ARHGAP42: variants seen among roughly 807,000 people sequenced by gnomAD.
The protein encoded by ARHGAP42 is rho GTPase-activating protein 42.
A neutral mutation model predicts 125.0 loss-of-function variants in ARHGAP42; 63 were observed. The observed-to-expected ratio is 0.50, with a 90% CI of 0.41 to 0.62. The LOEUF (loss-of-function observed/expected upper bound fraction) is 0.62. Among genes scored for constraint, ARHGAP42 ranks in the 20% least tolerant of loss-of-function variants. ARHGAP42 has a pLI of 0.00. For synonymous variants in ARHGAP42, 339 were observed against 351.0 expected (o/e 0.97, Z 0.38); for missense variants, 766 against 1,024.2 (o/e 0.75, Z 3.44).
intron 22 of ARHGAP42, among the ~76,000 whole-genome samples, chr11:100,979,327 GA>G: frequency 6.6e-6 from 1 of 152,250 alleles, no homozygotes; most frequent in Non-Finnish European, 1.5e-5. Context: ...ATACATCTTT[GA>G]TGACAGTCAT....
intron 3 of ARHGAP42, among the ~76,000 whole-genome samples, chr11:100,824,285 T>A (rs1323073558): frequency 6.6e-6 from 1 of 152,180 alleles, no homozygotes; most frequent in Non-Finnish European, 1.5e-5. Flanking sequence ...TTGTGTGGTC[T>A]GCTCTTGGCC....
intron 6 of ARHGAP42, among the ~76,000 whole-genome samples, chr11:100,924,659 T>A (rs563725730): frequency 6.6e-6 from 1 of 151,908 alleles, no homozygotes; most frequent in South Asian, 2.1e-4. Flanking sequence ...AGAGTAACAC[T>A]CTGTCTCAAT....
intron 3 of ARHGAP42, among the ~76,000 whole-genome samples, chr11:100,848,938 A>C (rs78746345): frequency 0.025 from 3,802 of 152,272 alleles, 103 homozygotes; most frequent in African/African-American, 0.061. Context: ...TGATAAGTGC[A>C]GGAGAGTGTG....
chr11:100,749,266 G>C (rs189309592), intron 1 of ARHGAP42, among the ~76,000 whole-genome samples: 4 of 151,684 alleles, frequency 2.6e-5, no homozygotes, highest in African/African-American at 7.3e-5. Context: ...GTCCTGGAAG[G>C]CTCAACCTCT....
At chr11:100,820,382 A>G (rs1293200301) in intron 3 of ARHGAP42, among the ~76,000 whole-genome samples, 1 of 152,102 alleles carries the variant, frequency 6.6e-6, no homozygotes, top group East Asian at 1.9e-4. Context: ...GTTGCAGAAC[A>G]TTGTTCTCAT....
intron 2 of ARHGAP42, among the ~76,000 whole-genome samples, chr11:100,792,754 T>TTTC (rs1863594986): frequency 2.5e-5 from 1 of 39,990 alleles, no homozygotes; most frequent in African/African-American, 5.2e-5. Flanking sequence ...GGAATTTTCT[T>TTTC]TTTTTTTTTT....
At chr11:100,687,979 A>C (rs1861116114) in intron 1 of ARHGAP42, 147 bp downstream of exon 1, 3 of 920,002 alleles carry the variant, frequency 3.3e-6, no homozygotes, top group Non-Finnish European at 4.7e-6. Context: ...GCTGGTGGCC[A>C]ACAAAGTTTG....
chr11:100,809,312 AGACGCTT>A (rs1864081960), intron 3 of ARHGAP42, among the ~76,000 whole-genome samples: 1 of 152,230 alleles, frequency 6.6e-6, no homozygotes, highest in Non-Finnish European at 1.5e-5. Context: ...GGTCACTTAA[AGACGCTT>A]GACCAATTAC....
At chr11:100,825,484 G>A (rs778084459) in intron 3 of ARHGAP42, among the ~76,000 whole-genome samples, 3 of 152,124 alleles carry the variant, frequency 2.0e-5, no homozygotes, top group Non-Finnish European at 4.4e-5. Context: ...AAAACAACAC[G>A]ATTTTTATTA....
intron 4 of ARHGAP42, among the ~76,000 whole-genome samples, chr11:100,872,002 C>T (rs768606340): frequency 6.6e-6 from 1 of 152,156 alleles, no homozygotes; most frequent in Admixed American, 6.5e-5. Flanking sequence ...CTCAGCCTCC[C>T]CAAGTGCTGG....
At chr11:100,924,627 G>T (rs527580346) in intron 6 of ARHGAP42, among the ~76,000 whole-genome samples, 1 of 151,704 alleles carries the variant, frequency 6.6e-6, no homozygotes, top group Non-Finnish European at 1.5e-5. Flanking sequence ...AAATCGCGCC[G>T]CTGGACTCCA....
At chr11:100,763,248 T>A (rs1862751676) in intron 1 of ARHGAP42, among the ~76,000 whole-genome samples, 1 of 152,090 alleles carries the variant, frequency 6.6e-6, no homozygotes, top group Non-Finnish European at 1.5e-5. Flanking sequence ...CCCAAAGTGC[T>A]GGGATTATGG....
Position 100,948,469 on chromosome 11 carries a change from C to A in ARHGAP42, c.1056C>A (p.Ile352=). 6.5e-7 allele frequency: 1 copy of A among 1,548,128 alleles called. No homozygotes were observed. The highest frequency in any genetic ancestry group is 8.7e-7 in the Non-Finnish European group (1 of 1,144,938). Residue 352 remains isoleucine, a synonymous_variant, in exon 11 of 24, where the codon ATC becomes ATA. Coordinates refer to ENST00000298815, the MANE Select transcript of ARHGAP42 (RefSeq NM_152432.4). ...DIEVVERHGI[I]TLQAFSEANR... The stretch of plus-strand genomic sequence containing the variant: ...TGTTTTTAAATAGGCATGGGATCAT[C>A]ACGTTACAGGCCTTCTCAGAAGCTA...
chr11:100,984,134 A>G (rs1400456747), intron 22 of ARHGAP42, among the ~76,000 whole-genome samples: 1 of 151,764 alleles, frequency 6.6e-6, no homozygotes, highest in East Asian at 1.9e-4. Context: ...AAAAAGCAAA[A>G]GAAAGAAAAA....
At chr11:100,768,104 G>T (rs541860140) in intron 1 of ARHGAP42, among the ~76,000 whole-genome samples, 24 of 152,188 alleles carry the variant, frequency 1.6e-4, no homozygotes, top group African/African-American at 5.5e-4. Flanking sequence ...TTATGTCTAG[G>T]CATAGGACCA....
At chr11:100,722,250 G>A (rs889438749) in intron 1 of ARHGAP42, among the ~76,000 whole-genome samples, 11 of 152,062 alleles carry the variant, frequency 7.2e-5, no homozygotes, top group Admixed American at 1.3e-4. Context: ...ATTCTTTGGT[G>A]AGTTGTCTGT....
At chr11:100,810,282 C>G (rs1040776619) in intron 3 of ARHGAP42, among the ~76,000 whole-genome samples, 22 of 151,886 alleles carry the variant, frequency 1.4e-4, no homozygotes, top group Admixed American at 8.5e-4. Context: ...TGGTTTTAAC[C>G]AACATTCTTT....
At chr11:100,969,251 A>G (rs1337040186) in intron 17 of ARHGAP42, among the ~76,000 whole-genome samples, 1 of 152,046 alleles carries the variant, frequency 6.6e-6, no homozygotes, top group Non-Finnish European at 1.5e-5. Flanking sequence ...TGTAGACCCC[A>G]GTAAGACTTT....
chr11:100,798,283 T>G (rs1450778244), intron 3 of ARHGAP42, among the ~76,000 whole-genome samples: 1 of 152,212 alleles, frequency 6.6e-6, no homozygotes, highest in African/African-American at 2.4e-5. Context: ...AGTTCTACCA[T>G]GGGTAAAATG....
Sources: allele counts gnomAD v4.1 joint callset (sites outside exome capture counted in the v4.1 genomes callset), GRCh38; gene constraint gnomAD v4.1.1; transcripts MANE v1.5; gene names NCBI Gene and HGNC (gene_info 2026-07-23, HGNC 2026-07-21).